The following YPEL2 variants were observed in gnomAD, a reference collection of about 807,000 sequenced individuals.
The protein encoded by YPEL2 is yippee like 2.
YPEL2 carries 2 observed loss-of-function variants against 19.1 expected under a neutral mutation model. The observed-to-expected ratio is 0.10, with a 90% CI of 0.04 to 0.33. YPEL2 has a LOEUF of 0.33. Among genes scored for constraint, YPEL2 ranks in the 10% least tolerant of loss-of-function variants. The probability of loss-of-function intolerance (pLI) is 1.00; values close to 1 mark genes in which losing one functional copy is unlikely to be tolerated. For missense variants in YPEL2, 66 were observed against 140.7 expected, an observed-to-expected ratio of 0.47 and a Z score of 2.68; for synonymous variants, 52 against 50.0, an observed-to-expected ratio of 1.04 and a Z score of -0.17.
rs552944183 is a variant in YPEL2 at position 59,332,188 on chromosome 17, C to A, written c.-196+364C>A. Among the ~76,000 whole-genome samples, 40 of 152,068 alleles carry A rather than the reference C, an allele frequency of 2.6e-4. No individual in the cohort carries two copies. In the South Asian group the frequency reaches 7.9e-3, roughly 30 times the overall value. ...GGAATCGCCGCTTCCTCCTCCGCGTCGTCCCCATGGGTTCGGACTCCATGG... is the reference window on the plus strand; with the variant it reads ...GGAATCGCCGCTTCCTCCTCCGCGTAGTCCCCATGGGTTCGGACTCCATGG... On this transcript the variant is annotated intron_variant, in intron 1 of 4. Transcript: ENST00000312655.
At chr17:59,369,346 A>G (rs1355541762) in intron 2 of YPEL2, among the ~76,000 whole-genome samples, 4 of 152,244 alleles carry the variant, frequency 2.6e-5, no homozygotes, top group African/African-American at 2.4e-5. Flanking sequence ...GTGATTCCCA[A>G]ATCTGACAGT....
chr17:59,386,230 G>A (rs1482092075), intron 2 of YPEL2, among the ~76,000 whole-genome samples: 1 of 151,822 alleles, frequency 6.6e-6, no homozygotes, highest in Non-Finnish European at 1.5e-5. Flanking sequence ...TGGAGGCTCA[G>A]GCAGGAGGAT....
At chr17:59,396,748 C>T (rs2048041318) in intron 4 of YPEL2, among the ~76,000 whole-genome samples, 1 of 152,158 alleles carries the variant, frequency 6.6e-6, no homozygotes, top group Non-Finnish European at 1.5e-5. Context: ...ATTTCCTTGG[C>T]CGGGTATGGT....
intron 2 of YPEL2, among the ~76,000 whole-genome samples, chr17:59,383,862 C>T (rs1446932733): frequency 6.6e-6 from 1 of 151,710 alleles, no homozygotes; most frequent in Non-Finnish European, 1.5e-5. Flanking sequence ...GTTTGTTCCT[C>T]TTTATTACAG....
chr17:59,335,536 C>G (rs887395877), intron 1 of YPEL2, among the ~76,000 whole-genome samples: 2 of 151,972 alleles, frequency 1.3e-5, no homozygotes, highest in African/African-American at 4.8e-5. Flanking sequence ...GTAACTCTTT[C>G]CAGGATTCTT....
At chr17:59,335,859 A>G (rs1301809987) in intron 1 of YPEL2, among the ~76,000 whole-genome samples, 1 of 151,936 alleles carries the variant, frequency 6.6e-6, no homozygotes, top group African/African-American at 2.4e-5. Context: ...TCTTTCTCCA[A>G]ATTTTTGCGT....
At position 59,400,890 on chromosome 17, in the gene YPEL2, A is replaced by G. The variant is rs960620101; in HGVS notation, c.*3700A>G. The G allele has an allele frequency of 6.6e-6, 1 of 152,646 alleles. No homozygotes were observed. Among genetic ancestry groups the G allele is most frequent in the Admixed American group, 6.5e-5 (1 of 15,278 alleles). 9.5% of individuals were successfully genotyped at this position (152,646 alleles called of 1,614,324 possible). On this transcript the variant is annotated 3_prime_UTR_variant, in exon 5 of 5. Coordinates refer to ENST00000312655, the MANE Select transcript of YPEL2 (RefSeq NM_001005404.4). ...TTCTGTTTCTGAGTGGACCAACAGC[A>G]GAACCCACGAGGATTTGTTTTGAGT... is the stretch of plus-strand genomic sequence containing the variant.
intron 1 of YPEL2, among the ~76,000 whole-genome samples, chr17:59,347,707 G>C (rs2047763635): frequency 6.6e-6 from 1 of 152,162 alleles, no homozygotes; most frequent in African/African-American, 2.4e-5. Context: ...GTCTCATCTT[G>C]AAAAGAGAAT....
chr17:59,338,149 T>C (rs898725213), intron 1 of YPEL2, among the ~76,000 whole-genome samples: 2 of 152,206 alleles, frequency 1.3e-5, no homozygotes, highest in African/African-American at 2.4e-5. Context: ...GTGTCTAGAC[T>C]GAGTGGCTTT....
At position 59,400,922 on chromosome 17, in the gene YPEL2, C is replaced by G. The variant is rs1393551340; in HGVS notation, c.*3732C>G. On this transcript the variant is annotated 3_prime_UTR_variant, in exon 5 of 5. Coordinates refer to ENST00000312655, the MANE Select transcript of YPEL2 (RefSeq NM_001005404.4). ...ACGAGGATTTGTTTTGAGTATGGAG[C>G]TGTTGCGGGTTTGCTCCTTTTTCTT... 1.3e-5 allele frequency: 2 copies of G among 152,538 alleles called. No homozygotes were observed. Among genetic ancestry groups the G allele is most frequent in the African/African-American group, 4.8e-5 (2 of 41,402 alleles). 9.4% of individuals were successfully genotyped at this position (152,538 alleles called of 1,614,324 possible). A position where few individuals can be genotyped will look rare whatever the true frequency, so the allele number is the denominator to read the frequency against.
In YPEL2 at chr17:59,398,953, G is replaced by A. The variant is rs929093574; in HGVS notation, c.*1763G>A. ...GAAATGCTTTTTTGTGTGTCTCCAC[G>A]CGCTGATGGTGGAATGGGAGCCCCA... On this transcript the variant is annotated 3_prime_UTR_variant, in exon 5 of 5. Transcript: ENST00000312655. The A allele has an allele frequency of 2.6e-5, 4 of 152,170 alleles. No homozygotes were observed. The highest frequency in any genetic ancestry group is 2.0e-4 in the Admixed American group (3 of 15,276). The allele number at this position is 152,170 out of a possible 1,614,324, so 9.4% of individuals were successfully genotyped here. A position where few individuals can be genotyped will look rare whatever the true frequency, so the allele number is the denominator to read the frequency against.
chr17:59,332,294 C>T (rs568504687), intron 1 of YPEL2, among the ~76,000 whole-genome samples: 16 of 152,268 alleles, frequency 1.1e-4, no homozygotes, highest in East Asian at 3.9e-4. Context: ...CACTTAGGTC[C>T]AGGGGCGCCG....
At chr17:59,376,171 T>C (rs1598045259) in intron 2 of YPEL2, among the ~76,000 whole-genome samples, 1 of 152,202 alleles carries the variant, frequency 6.6e-6, no homozygotes, top group Admixed American at 6.5e-5. Context: ...TCCCTAGACT[T>C]TAGAGCCAGA....
intron 1 of YPEL2, among the ~76,000 whole-genome samples, chr17:59,337,628 C>CTT (rs1162044317): frequency 1.3e-5 from 2 of 151,980 alleles, no homozygotes; most frequent in Non-Finnish European, 2.9e-5. Context: ...ATGCTTTTTG[C>CTT]TTTGGCTACC....
At chr17:59,374,614 T>A (rs979307049) in intron 2 of YPEL2, among the ~76,000 whole-genome samples, 13 of 152,194 alleles carry the variant, frequency 8.5e-5, no homozygotes, top group Non-Finnish European at 5.9e-5. Context: ...GTGCTTTGAT[T>A]AACATTAGAA....
intron 4 of YPEL2, among the ~76,000 whole-genome samples, chr17:59,395,784 A>G (rs2048035956): frequency 6.6e-6 from 1 of 152,170 alleles, no homozygotes; most frequent in South Asian, 2.1e-4. Context: ...ACAGTTTAAA[A>G]TTAGAACCAG....
rs2047799185 is a variant in YPEL2, at chr17:59,353,802, A to T, written c.117+276A>T. ...CAGAGAAGGGAGGGGCTGGGGATTG[A>T]TGGGAGCCTTGTTCTCAGCTTGCTT... is the stretch of plus-strand genomic sequence containing the variant. On this transcript the variant is annotated intron_variant, in intron 2 of 4. Transcript: ENST00000312655. The surrounding 1 kb of genome is among the most constrained non-coding windows in gnomAD (Gnocchi z 4.8). 7.1e-6 allele frequency: 3 copies of T among 419,800 alleles called. No homozygotes were observed. Among genetic ancestry groups the T allele is most frequent in the African/African-American group, 6.1e-5 (3 of 49,006 alleles). 26.0% of individuals were successfully genotyped at this position (419,800 alleles called of 1,614,324 possible).
At chr17:59,361,582 G>C (rs1307892783) in intron 2 of YPEL2, among the ~76,000 whole-genome samples, 2 of 152,130 alleles carry the variant, frequency 1.3e-5, no homozygotes, top group Non-Finnish European at 2.9e-5. Context: ...GTGAATATTT[G>C]AGTGAATGAC....
chr17:59,378,149 G>T (rs552304428), intron 2 of YPEL2, among the ~76,000 whole-genome samples: 1 of 152,120 alleles, frequency 6.6e-6, no homozygotes, highest in African/African-American at 2.4e-5. Context: ...ACACCATGAG[G>T]CAACAGATCT....
Sources: allele counts gnomAD v4.1 joint callset (sites outside exome capture counted in the v4.1 genomes callset), GRCh38; gene constraint gnomAD v4.1.1; non-coding constraint Gnocchi (gnomAD v3.1); transcripts MANE v1.5; gene names NCBI Gene and HGNC (gene_info 2026-07-23, HGNC 2026-07-21).